MTPN: variants seen among roughly 807,000 people sequenced by gnomAD.
The protein encoded by MTPN is myotrophin.
Under a neutral mutation model 13.5 loss-of-function variants are expected in MTPN, and 2 were observed. The ratio of observed to expected loss-of-function variants is 0.15; its 90% confidence interval spans 0.06 to 0.47. The LOEUF is 0.47. Among genes scored for constraint, MTPN ranks in the 20% least tolerant of loss-of-function variants. The probability of loss-of-function intolerance (pLI) is 0.97; values close to 1 mark genes in which losing one functional copy is unlikely to be tolerated. For missense variants in MTPN, 79 were observed against 137.9 expected (o/e 0.57, Z 2.14); for synonymous variants, 46 against 51.7 (o/e 0.89, Z 0.48).
intron 3 of MTPN, among the ~76,000 whole-genome samples, chr7:135,935,782 A>G (rs1370384533): frequency 1.3e-5 from 2 of 152,028 alleles, no homozygotes; most frequent in African/African-American, 4.8e-5. Context: ...CTGTACTCTA[A>G]TACATCATGG....
intron 1 of MTPN, among the ~76,000 whole-genome samples, chr7:135,960,381 T>C (rs1238727121): frequency 6.6e-6 from 1 of 152,168 alleles, no homozygotes; most frequent in South Asian, 2.1e-4. Context: ...AGTTATGCCT[T>C]AGGCAATAGA....
intron 1 of MTPN, among the ~76,000 whole-genome samples, chr7:135,969,238 T>TAAAAAAAAAAAAAAAAAA (rs57871609): frequency 9.2e-6 from 1 of 109,110 alleles, no homozygotes; most frequent in Non-Finnish European, 1.9e-5. Context: ...TAAAGTATAA[T>TAAAAAAAAAAAAAAAAAA]AAAAAAAAAA....
intron 1 of MTPN, among the ~76,000 whole-genome samples, chr7:135,953,164 A>G (rs1799390486): frequency 6.6e-6 from 1 of 152,022 alleles, no homozygotes; most frequent in Non-Finnish European, 1.5e-5. Flanking sequence ...CCTTCCCATT[A>G]ATTTAAATAC....
At chr7:135,976,419 C>T (rs1467124243) in intron 1 of MTPN, among the ~76,000 whole-genome samples, 2 of 152,172 alleles carry the variant, frequency 1.3e-5, no homozygotes, top group Non-Finnish European at 2.9e-5. Flanking sequence ...ACAACCTTAC[C>T]ACTTGAAGCA....
rs2044252 is a variant in MTPN, at chr7:135,962,937, C to T, written c.73-11307G>A. Among the ~76,000 whole-genome samples, 919 of 152,058 alleles carry T rather than the reference C, an allele frequency of 6.0e-3. 9 individuals are homozygous for T. Among genetic ancestry groups the T allele is most frequent in the Middle Eastern group, 0.017 (5 of 294 alleles). ...CTTTGTTTGATCTGTAAGATATGTA[C>T]GCATTGCTGCCACTGAGTTCCAAGG... On this transcript the variant is annotated intron_variant, in intron 1 of 3. Coordinates refer to ENST00000393085, the MANE Select transcript of MTPN (RefSeq NM_145808.4).
chr7:135,970,076 C>A (rs1412879376), intron 1 of MTPN, among the ~76,000 whole-genome samples: 1 of 152,164 alleles, frequency 6.6e-6, no homozygotes, highest in African/African-American at 2.4e-5. Context: ...CACGACAATC[C>A]TGTTTAATTG....
At chr7:135,945,485 T>C (rs1799275900) in intron 3 of MTPN, among the ~76,000 whole-genome samples, 4 of 152,174 alleles carry the variant, frequency 2.6e-5, no homozygotes, top group Admixed American at 2.6e-4. Context: ...TAAAAATTTT[T>C]TAAAACTTTT....
In MTPN at chr7:135,956,127, A is replaced by G. The variant is rs370030025; in HGVS notation, c.73-4497T>C. Among the ~76,000 whole-genome samples the G allele has an allele frequency of 1.1e-3, 170 of 152,324 alleles. 1 individual carries two copies. Among genetic ancestry groups the G allele is most frequent in the African/African-American group, 4.1e-3 (169 of 41,570 alleles). Reference sequence around the variant, plus strand: ...GTCTTTATCTGCAGATCCCATGGTTAGGGGGGTGCTGAATGACAATTTCAC... The same window carrying G: ...GTCTTTATCTGCAGATCCCATGGTTGGGGGGGTGCTGAATGACAATTTCAC... On this transcript the variant is annotated intron_variant, in intron 1 of 3. Transcript: ENST00000393085.
At chr7:135,933,879 C>T (rs1476399204) in intron 3 of MTPN, among the ~76,000 whole-genome samples, 1 of 152,086 alleles carries the variant, frequency 6.6e-6, no homozygotes, top group Non-Finnish European at 1.5e-5. Flanking sequence ...ACCCCTCACC[C>T]CCTTGTGCTG....
chr7:135,977,313 G>A lies in MTPN; in HGVS notation c.-213C>T, dbSNP rs1204257101. 3.4e-6 allele frequency: 2 copies of A among 594,296 alleles called. No homozygotes were observed. Among genetic ancestry groups the A allele is most frequent in the South Asian group, 1.9e-5 (1 of 51,896 alleles). 36.8% of individuals were successfully genotyped at this position (594,296 alleles called of 1,614,324 possible). ...AGTTCTTTTGCGGCCACCGGGCCCA[G>A]CAGAGAGGTTCCGCCTGGCCGAGGA... On this transcript the variant is annotated 5_prime_UTR_variant, in exon 1 of 4. Transcript: ENST00000393085.
intron 1 of MTPN, among the ~76,000 whole-genome samples, chr7:135,972,563 A>G (rs1157472225): frequency 1.3e-5 from 2 of 152,256 alleles, no homozygotes; most frequent in African/African-American, 4.8e-5. Context: ...CAGAAACATG[A>G]TTTTAATGTG....
intron 3 of MTPN, among the ~76,000 whole-genome samples, chr7:135,943,719 T>C (rs1331791420): frequency 2.0e-5 from 3 of 152,182 alleles, no homozygotes; most frequent in Non-Finnish European, 4.4e-5. Flanking sequence ...TGGTATATTA[T>C]ATATAGTTGT....
intron 3 of MTPN, among the ~76,000 whole-genome samples, chr7:135,931,400 AG>A: frequency 6.6e-6 from 1 of 152,306 alleles, no homozygotes; most frequent in African/African-American, 2.4e-5. Flanking sequence ...AGTCTTGACA[AG>A]GAAGTACAGG....
At chr7:135,963,573 G>A (rs569997269) in intron 1 of MTPN, among the ~76,000 whole-genome samples, 3 of 152,090 alleles carry the variant, frequency 2.0e-5, no homozygotes, top group Admixed American at 2.0e-4. Flanking sequence ...AGGTCTGTAA[G>A]GACGAAAGTA....
At chr7:135,956,989 C>T (rs774996678) in intron 1 of MTPN, among the ~76,000 whole-genome samples, 5 of 152,056 alleles carry the variant, frequency 3.3e-5, no homozygotes, top group Non-Finnish European at 5.9e-5. Context: ...CCATTTTTGC[C>T]GAGGTCAAGG....
Position 135,928,319 on chromosome 7 carries a change from TACACCCAC to T in MTPN, c.*1599_*1606del, listed in dbSNP as rs1260042284. On this transcript the variant is annotated 3_prime_UTR_variant, in exon 4 of 4. Coordinates refer to ENST00000393085, the MANE Select transcript of MTPN (RefSeq NM_145808.4). ...ACACACACACACCCACACACACCTA[TACACCCAC>T]ACACCCACATGCCAACCAACCAACC... 1.2e-5 allele frequency: 2 copies of T among 166,684 alleles called. No individual in the cohort carries two copies. The highest frequency in any genetic ancestry group is 2.9e-5 in the Non-Finnish European group (2 of 68,072). The allele number at this position is 166,684 out of a possible 1,614,324, so 10.3% of individuals were successfully genotyped here.
chr7:135,937,405 C>CCTCT (rs146024186), intron 3 of MTPN, among the ~76,000 whole-genome samples: 2 of 143,666 alleles, frequency 1.4e-5, no homozygotes, highest in African/African-American at 2.7e-5. Flanking sequence ...ACACACAAAA[C>CCTCT]CTCTCTCTCT....
chr7:135,963,674 G>T (rs2116397721), intron 1 of MTPN, among the ~76,000 whole-genome samples: 1 of 152,018 alleles, frequency 6.6e-6, no homozygotes, highest in East Asian at 1.9e-4. Flanking sequence ...CCTCCCAAAT[G>T]CATCAAACTT....
intron 1 of MTPN, among the ~76,000 whole-genome samples, 183 bp from the exon 2 acceptor site, chr7:135,951,813 A>G (rs1328680354): frequency 6.6e-6 from 1 of 152,240 alleles, no homozygotes; most frequent in Non-Finnish European, 1.5e-5. Flanking sequence ...AACATACAGT[A>G]TGATGGAAAT....
Sources: allele counts gnomAD v4.1 joint callset (sites outside exome capture counted in the v4.1 genomes callset), GRCh38; gene constraint gnomAD v4.1.1; transcripts MANE v1.5; gene names NCBI Gene and HGNC (gene_info 2026-07-23, HGNC 2026-07-21).